ZNF106: variants seen among roughly 807,000 people sequenced by gnomAD.
The protein encoded by ZNF106 is zinc finger protein 106.
A neutral mutation model predicts 195.1 loss-of-function variants in ZNF106; 67 were observed. The ratio of observed to expected loss-of-function variants is 0.34; its 90% confidence interval spans 0.28 to 0.42. The LOEUF (loss-of-function observed/expected upper bound fraction) is 0.42. ZNF106 is among the 10% of genes least tolerant of loss of function. ZNF106 has a pLI of 1.00. For synonymous variants in ZNF106, 784 were observed against 818.6 expected (o/e 0.96, Z 0.72); for missense variants, 2,118 against 2,304.5 (o/e 0.92, Z 1.66).
rs1358563395 is a variant in ZNF106, at chr15:42,477,114, A to G, written c.-32-4793T>C. Among the ~76,000 whole-genome samples, 3 of 152,026 alleles carry G rather than the reference A, an allele frequency of 2.0e-5. No individual in the cohort carries two copies. The East Asian group carries it at 5.8e-4, about 29-fold the overall frequency. ...TATCAGTCTATCTATGGGTTTGTTA[A>G]TATTATTAATCTTTTCAAAGACCAG... On this transcript the variant is annotated intron_variant, in intron 1 of 21. Transcript: ENST00000564754.
chr15:42,454,746 A>T (rs1001621960), intron 4 of ZNF106, among the ~76,000 whole-genome samples: 2 of 151,640 alleles, frequency 1.3e-5, no homozygotes, highest in Non-Finnish European at 2.9e-5. Flanking sequence ...AAAAAAAAAA[A>T]TTAGCCACGC....
intron 1 of ZNF106, 92 bp from the exon 2 acceptor site, chr15:42,472,413 C>A: frequency 1.1e-6 from 1 of 880,934 alleles, no homozygotes; most frequent in Non-Finnish European, 1.7e-6. Flanking sequence ...TCTTATCTTC[C>A]TCACCTCCAC....
In ZNF106 at chr15:42,415,555, C is replaced by A; in HGVS notation, c.*1749G>T. 1 of 449,086 alleles carries A rather than the reference C, an allele frequency of 2.2e-6. No individual in the cohort carries two copies. The highest frequency in any genetic ancestry group is 1.6e-5 in the South Asian group (1 of 63,446). 27.8% of individuals were successfully genotyped at this position (449,086 alleles called of 1,614,324 possible). A position where few individuals can be genotyped will look rare whatever the true frequency, so the allele number is the denominator to read the frequency against. On this transcript the variant is annotated 3_prime_UTR_variant, in exon 22 of 22. Transcript: ENST00000564754. ...ACCCTCTTGAAGCCTATCCATAAAC[C>A]CCCTGGTGAAGTCCCCCTGCCCGAT... is the stretch of plus-strand genomic sequence containing the variant.
chr15:42,449,901 T>G lies in ZNF106; in HGVS notation c.2371A>C (p.Thr791Pro). Residue 791 changes from threonine to proline, a missense_variant, in exon 5 of 22, where the codon ACA (threonine) becomes CCA (proline). By Grantham distance (38) the Thr-to-Pro change is conservative. Transcript: ENST00000564754. ...RNISGHRKSE[T>P]EKESGLKPTL... is the part of the protein sequence containing the mutation. ...GGCTTGAGCCCAGACTCCTTCTCTG[T>G]CTCACTCTTTCGGTGACCGCTAATA... The G allele has an allele frequency of 6.2e-7, 1 of 1,614,204 alleles. No individual in the cohort carries two copies.
Position 42,436,166 on chromosome 15 carries a change from G to C in ZNF106, c.4747-648C>G, listed in dbSNP as rs191293109. Reference sequence around the variant, plus strand: ...GATGGGGTTTCACCATGTTAGCCAGGATGGTCTCAATCTCCTGACCTCATG... The same window carrying C: ...GATGGGGTTTCACCATGTTAGCCAGCATGGTCTCAATCTCCTGACCTCATG... On this transcript the variant is annotated intron_variant, in intron 13 of 21. Transcript: ENST00000564754. 6.8e-3 allele frequency among the ~76,000 whole-genome samples: 1,028 copies of C among 152,162 alleles called. 7 individuals are homozygous for C. Among genetic ancestry groups the C allele is most frequent in the Middle Eastern group, 0.017 (5 of 294 alleles).
chr15:42,421,889 A>T, intron 19 of ZNF106, 28 bp downstream of exon 19: 1 of 1,508,620 alleles, frequency 6.6e-7, no homozygotes, highest in Non-Finnish European at 8.9e-7. Flanking sequence ...TTCAAAAGCA[A>T]ATATCTTACA....
intron 3 of ZNF106, among the ~76,000 whole-genome samples, chr15:42,457,713 CT>C (rs1203069972): frequency 6.6e-6 from 1 of 152,116 alleles, no homozygotes; most frequent in African/African-American, 2.4e-5. Flanking sequence ...TCCAGGCAAA[CT>C]TTTTTGGTCT....
chr15:42,435,431 G>A lies in ZNF106; in HGVS notation c.4834C>T (p.Leu1612Phe). 1 of 1,614,168 alleles carries A rather than the reference G, an allele frequency of 6.2e-7. No homozygotes were observed. Among genetic ancestry groups the A allele is most frequent in the South Asian group, 1.1e-5 (1 of 91,080 alleles). The change falls in exon 14 of 22, where the codon CTT (leucine) becomes TTT (phenylalanine). Residue 1612 changes from leucine to phenylalanine, a missense_variant. By Grantham distance (22) the Leu-to-Phe change is conservative. Coordinates refer to ENST00000564754, the MANE Select transcript of ZNF106 (RefSeq NM_001366845.3). ...GTATGGTCACTGGACCCGGTGTAAA[G>A]GGCAGCATTCTTCCCGGAGGTCTGA... ...VTQTSGKNAA[L>F]YTGSSDHTIR...
chr15:42,438,788 A>T lies in ZNF106; in HGVS notation c.4545-121T>A. The T allele has an allele frequency of 3.1e-6, 3 of 953,314 alleles. 1 individual carries two copies. Among genetic ancestry groups the T allele is most frequent in the Non-Finnish European group, 4.7e-6 (3 of 636,592 alleles). 59.1% of individuals were successfully genotyped at this position (953,314 alleles called of 1,614,324 possible). ...GGGCAAAGTAGCAATGATATAAGAG[A>T]TTAGATTTTCCATCTGAAATTTCTT... On this transcript the variant is annotated intron_variant, in intron 11 of 21. Coordinates refer to ENST00000564754, the MANE Select transcript of ZNF106 (RefSeq NM_001366845.3).
At chr15:42,443,072 T>C (rs1021209376) in intron 9 of ZNF106, among the ~76,000 whole-genome samples, 3 of 152,082 alleles carry the variant, frequency 2.0e-5, no homozygotes, top group African/African-American at 7.2e-5. Flanking sequence ...TTCACCACAT[T>C]GCCCAGGCTG....
intron 21 of ZNF106, among the ~76,000 whole-genome samples, 197 bp from the exon 22 acceptor site, chr15:42,417,557 A>G (rs2054504799): frequency 6.6e-6 from 1 of 152,228 alleles, no homozygotes; most frequent in African/African-American, 2.4e-5. Context: ...GAGCACTGTA[A>G]TAAATCTCCA....
chr15:42,417,663 C>A, intron 21 of ZNF106, 142 bp downstream of exon 21: 1 of 986,364 alleles, frequency 1.0e-6, no homozygotes, highest in Non-Finnish European at 1.4e-6. Flanking sequence ...ATTAAGCTAC[C>A]CCCCAAATCT....
At chr15:42,447,461 T>A (rs773399606) in intron 6 of ZNF106, among the ~76,000 whole-genome samples, 2 of 152,234 alleles carry the variant, frequency 1.3e-5, no homozygotes, top group Non-Finnish European at 2.9e-5. Flanking sequence ...ACTCTTTCTT[T>A]TCAGAAAGGG....
chr15:42,453,561 T>C (rs2056120095), intron 4 of ZNF106, among the ~76,000 whole-genome samples: 1 of 152,144 alleles, frequency 6.6e-6, no homozygotes, highest in African/African-American at 2.4e-5. Context: ...CTTATATAGA[T>C]TATCTCACTT....
At chr15:42,461,529 G>A (rs1039819118) in intron 3 of ZNF106, among the ~76,000 whole-genome samples, 2 of 152,164 alleles carry the variant, frequency 1.3e-5, no homozygotes, top group African/African-American at 4.8e-5. Context: ...ATAAAGGTTT[G>A]TGCCTTTTTA....
In ZNF106 at chr15:42,446,648, G is replaced by A. The variant is rs1273703006; in HGVS notation, c.3146C>T (p.Ser1049Phe). The A allele has an allele frequency of 6.2e-7, 1 of 1,605,138 alleles. No individual in the cohort carries two copies. ...KKRRATGDGS[S>F]PELPSLERKN... is the part of the protein sequence containing the mutation. Reference sequence around the variant, plus strand: ...TCTCTCAAGACTTGGGAGTTCAGGAGAAGATCCATCCTGGAAGGATAAAGA... The same window carrying A: ...TCTCTCAAGACTTGGGAGTTCAGGAAAAGATCCATCCTGGAAGGATAAAGA... Residue 1049 changes from serine (S) to phenylalanine (F), a missense_variant, in exon 7 of 22, where the codon TCT becomes TTT. Physicochemically the swap from Ser to Phe is radical, Grantham distance 155. Coordinates refer to ENST00000564754, the MANE Select transcript of ZNF106 (RefSeq NM_001366845.3).
In ZNF106 at chr15:42,425,074, T is replaced by G; in HGVS notation, c.4999-49A>C. ...GCTAAAACCAACTTAGCTGGAAAATTCAACTAACCAACATCATTACCTTGG... is the reference window on the plus strand; with the variant it reads ...GCTAAAACCAACTTAGCTGGAAAATGCAACTAACCAACATCATTACCTTGG... On this transcript the variant is annotated intron_variant, in intron 15 of 21. Coordinates refer to ENST00000564754, the MANE Select transcript of ZNF106 (RefSeq NM_001366845.3). 4 of 1,574,912 alleles carry G rather than the reference T, an allele frequency of 2.5e-6. No individual in the cohort carries two copies. In the South Asian group the frequency reaches 4.5e-5, roughly 18 times the overall value.
Position 42,444,822 on chromosome 15 carries a change from GT to G in ZNF106, c.3360+4del, listed in dbSNP as rs1229723543. 6.2e-7 allele frequency: 1 copy of G among 1,613,386 alleles called. No homozygotes were observed. The highest frequency in any genetic ancestry group is 1.1e-5 in the South Asian group (1 of 90,954). ...ATTTTTATTAAATCCTCCACATGCTGTTACCTGCTGCTTGAGCATAAGTAGC... is the reference window on the plus strand; with the variant it reads ...ATTTTTATTAAATCCTCCACATGCTGTACCTGCTGCTTGAGCATAAGTAGC... On this transcript the variant is annotated splice_donor_region_variant and intron_variant, in intron 8 of 21. Transcript: ENST00000564754.
intron 1 of ZNF106, among the ~76,000 whole-genome samples, chr15:42,490,161 C>A (rs559499795): frequency 6.6e-6 from 1 of 151,652 alleles, no homozygotes; most frequent in South Asian, 2.1e-4. Context: ...ATCCAGGAGG[C>A]GGAGGTTGCA....
Sources: allele counts gnomAD v4.1 joint callset (sites outside exome capture counted in the v4.1 genomes callset), GRCh38; gene constraint gnomAD v4.1.1; transcripts MANE v1.5; gene names NCBI Gene and HGNC (gene_info 2026-07-23, HGNC 2026-07-21).